Variants in MACROD2 observed in about 807,000 individuals in gnomAD.
MACROD2 encodes mono-ADP ribosylhydrolase 2.
Under a neutral mutation model 70.4 loss-of-function variants are expected in MACROD2, and 36 were observed. The ratio of observed to expected loss-of-function variants is 0.51; its 90% CI spans 0.39 to 0.68. The LOEUF is 0.68. Ranked by LOEUF, MACROD2 falls within the 30% of genes least tolerant of loss-of-function variation. The pLI, the probability that MACROD2 is intolerant of heterozygous loss-of-function variation, is 0.00. For synonymous variants in MACROD2, 172 were observed against 178.8 expected (o/e 0.96, Z 0.30); for missense variants, 496 against 538.4 (o/e 0.92, Z 0.78).
intron 3 of MACROD2, among the ~76,000 whole-genome samples, chr20:14,351,152 C>A (rs2083119482): frequency 6.6e-6 from 1 of 152,090 alleles, no homozygotes; most frequent in South Asian, 2.1e-4. Flanking sequence ...GTTGTTATAG[C>A]CCTGTAGTAC....
chr20:14,757,281 G>A (rs1350810539), intron 5 of MACROD2, among the ~76,000 whole-genome samples: 1 of 152,070 alleles, frequency 6.6e-6, no homozygotes, highest in Non-Finnish European at 1.5e-5. Context: ...ATCACTTTCA[G>A]TAACAGTAAA....
chr20:14,773,388 C>G (rs1463626455), intron 5 of MACROD2, among the ~76,000 whole-genome samples: 1 of 151,952 alleles, frequency 6.6e-6, no homozygotes, highest in Admixed American at 6.6e-5. Context: ...CCCCTATTTC[C>G]CAGCCCCTGG....
At chr20:14,813,983 A>G (rs545832845) in intron 5 of MACROD2, among the ~76,000 whole-genome samples, 24 of 152,056 alleles carry the variant, frequency 1.6e-4, no homozygotes, top group Non-Finnish European at 3.1e-4. Flanking sequence ...GCAACCAGCT[A>G]TCTCATTAAC....
chr20:14,649,414 G>C (rs1348992150), intron 4 of MACROD2, among the ~76,000 whole-genome samples: 1 of 152,158 alleles, frequency 6.6e-6, no homozygotes, highest in African/African-American at 2.4e-5. Context: ...AAGTCTTCAA[G>C]GGAGAGCATC....
At chr20:15,919,830 A>G (rs181392722) in intron 10 of MACROD2, among the ~76,000 whole-genome samples, 3 of 152,344 alleles carry the variant, frequency 2.0e-5, no homozygotes, top group Admixed American at 2.0e-4. Context: ...GACAGAGACC[A>G]TTGGGAAGTG....
chr20:13,998,936 C>T (rs938252128), intron 1 of MACROD2, among the ~76,000 whole-genome samples: 1 of 137,456 alleles, frequency 7.3e-6, no homozygotes, highest in African/African-American at 2.7e-5. Context: ...GCCTGAATGA[C>T]AGAGCAAGAC....
At chr20:14,789,609 G>A (rs1342095262) in intron 5 of MACROD2, among the ~76,000 whole-genome samples, 1 of 151,278 alleles carries the variant, frequency 6.6e-6, no homozygotes, top group Non-Finnish European at 1.5e-5. Flanking sequence ...CTGAGTAGCT[G>A]AGATTACAGG....
chr20:15,432,832 G>A (rs1180773850), intron 7 of MACROD2, among the ~76,000 whole-genome samples: 1 of 151,940 alleles, frequency 6.6e-6, no homozygotes, highest in Non-Finnish European at 1.5e-5. Flanking sequence ...ATGGTAATGT[G>A]TTAAGAGCTT....
At chr20:14,953,347 C>A (rs1230119230) in intron 5 of MACROD2, among the ~76,000 whole-genome samples, 1 of 152,086 alleles carries the variant, frequency 6.6e-6, no homozygotes, top group Non-Finnish European at 1.5e-5. Flanking sequence ...CTCTCTGTCG[C>A]CCAGGTTGGA....
intron 5 of MACROD2, among the ~76,000 whole-genome samples, chr20:14,964,430 G>A (rs1290298203): frequency 1.8e-4 from 28 of 151,906 alleles, no homozygotes; most frequent in Admixed American, 1.4e-3. Context: ...AAAATTAGCC[G>A]GGCGTGGTGG....
At chr20:14,530,809 T>TGGCATACGTAACAGAA (rs2085294138) in intron 4 of MACROD2, among the ~76,000 whole-genome samples, 1 of 152,196 alleles carries the variant, frequency 6.6e-6, no homozygotes, top group Non-Finnish European at 1.5e-5. Context: ...AGAATGGCAA[T>TGGCATACGTAACAGAA]TAATTATTAA....
At chr20:15,218,963 A>C (rs536437146) in intron 5 of MACROD2, among the ~76,000 whole-genome samples, 10 of 152,098 alleles carry the variant, frequency 6.6e-5, no homozygotes, top group African/African-American at 1.9e-4. Flanking sequence ...GGAGAATGGC[A>C]TGAACCCGGG....
At chr20:14,522,128 T>G (rs559010565) in intron 4 of MACROD2, among the ~76,000 whole-genome samples, 82 of 152,308 alleles carry the variant, frequency 5.4e-4, no homozygotes, top group South Asian at 2.7e-3. Context: ...TCTGTCTGGT[T>G]TACATATTCA....
intron 8 of MACROD2, among the ~76,000 whole-genome samples, chr20:15,654,171 A>G (rs2049690847): frequency 6.6e-6 from 1 of 152,160 alleles, no homozygotes; most frequent in Non-Finnish European, 1.5e-5. Flanking sequence ...AAAAGCACAT[A>G]CCATGCAGAA....
chr20:15,496,353 G>A (rs1383179191), intron 7 of MACROD2, among the ~76,000 whole-genome samples: 10 of 152,212 alleles, frequency 6.6e-5, no homozygotes, highest in Non-Finnish European at 1.3e-4. Flanking sequence ...GGCTAAGCGC[G>A]GGGTGGGTCA....
chr20:15,486,395 A>G (rs1389784870), intron 7 of MACROD2, among the ~76,000 whole-genome samples: 1 of 152,170 alleles, frequency 6.6e-6, no homozygotes, highest in African/African-American at 2.4e-5. Flanking sequence ...AGCAAATAAG[A>G]TACATTTAGG....
chr20:15,405,310 T>C (rs6043259), intron 6 of MACROD2, among the ~76,000 whole-genome samples: 6,082 of 152,166 alleles, frequency 0.04, 376 homozygotes, highest in African/African-American at 0.14. Flanking sequence ...GTGAATTTCA[T>C]CTCAATGAAA....
chr20:14,997,675 C>A (rs1600927034), intron 5 of MACROD2, among the ~76,000 whole-genome samples: 1 of 152,296 alleles, frequency 6.6e-6, no homozygotes, highest in Non-Finnish European at 1.5e-5. Context: ...AGAAGGGAAC[C>A]TGCCACCCTG....
At chr20:15,366,275 A>G (rs1382631271) in intron 6 of MACROD2, among the ~76,000 whole-genome samples, 1 of 151,992 alleles carries the variant, frequency 6.6e-6, no homozygotes, top group Admixed American at 6.6e-5. Flanking sequence ...TTTTCCCCCC[A>G]CTAGTATCCT....
Sources: allele counts gnomAD v4.1 joint callset (sites outside exome capture counted in the v4.1 genomes callset), GRCh38; gene constraint gnomAD v4.1.1; transcripts MANE v1.5; gene names NCBI Gene and HGNC (gene_info 2026-07-23, HGNC 2026-07-21).